SHANK2: variants seen among roughly 807,000 people sequenced by gnomAD.
The protein encoded by SHANK2 is SH3 and multiple ankyrin repeat domains protein 2.
Under a neutral mutation model 133.7 loss-of-function variants are expected in SHANK2, and 43 were observed. The observed-to-expected ratio is 0.32, with a 90% CI of 0.25 to 0.41. The LOEUF is 0.41. SHANK2 is among the 10% of genes least tolerant of loss of function. The pLI is 1.00. For missense variants in SHANK2, 1,994 were observed against 2,235.8 expected (o/e 0.89, Z 2.18); for synonymous variants, 1,017 against 952.8 (o/e 1.07, Z -1.24).
intron 17 of SHANK2, among the ~76,000 whole-genome samples, chr11:70,618,717 C>G (rs1193120962): frequency 6.6e-6 from 1 of 152,242 alleles, no homozygotes; most frequent in Non-Finnish European, 1.5e-5. Context: ...ATGCGGAAAC[C>G]CTGGCCGCCG....
At chr11:70,677,697 A>G (rs1333945100) in intron 15 of SHANK2, among the ~76,000 whole-genome samples, 1 of 152,114 alleles carries the variant, frequency 6.6e-6, no homozygotes, top group Non-Finnish European at 1.5e-5. Context: ...GGTCCAACAC[A>G]GCACGTCCCA....
chr11:70,682,710 A>G (rs538275877), intron 15 of SHANK2, among the ~76,000 whole-genome samples: 12 of 152,324 alleles, frequency 7.9e-5, no homozygotes, highest in African/African-American at 2.9e-4. Context: ...CCAAGGCCAC[A>G]GAGAAGGAGG....
At chr11:70,622,307 C>T (rs1012679157) in intron 17 of SHANK2, among the ~76,000 whole-genome samples, 1 of 152,152 alleles carries the variant, frequency 6.6e-6, no homozygotes, top group African/African-American at 2.4e-5. Flanking sequence ...CAGGACTCAA[C>T]TCATGTCAAC....
chr11:70,826,085 G>A (rs1948633665), intron 11 of SHANK2, among the ~76,000 whole-genome samples: 1 of 152,248 alleles, frequency 6.6e-6, no homozygotes, highest in African/African-American at 2.4e-5. Flanking sequence ...AGCCAGCCAT[G>A]TGCCCCGACC....
At chr11:70,721,313 T>C (rs1345639436) in intron 14 of SHANK2, among the ~76,000 whole-genome samples, 1 of 152,228 alleles carries the variant, frequency 6.6e-6, no homozygotes, top group Non-Finnish European at 1.5e-5. Context: ...CTCCGCAGTG[T>C]CTCACATGGG....
At chr11:70,698,409 A>G in intron 15 of SHANK2, 1 of 524,124 alleles carries the variant, frequency 1.9e-6, no homozygotes, top group South Asian at 2.2e-5. Flanking sequence ...GTCATCCTTG[A>G]CATTTGCATG....
Position 70,485,632 on chromosome 11 carries a change from G to A in SHANK2, c.4661C>T (p.Pro1554Leu). The change falls in exon 25 of 26, where the codon CCC (proline) becomes CTC (leucine). Residue 1554 changes from proline (P) to leucine (L), a missense_variant. Physicochemically the swap from Pro to Leu is moderately conservative, Grantham distance 98. This residue lies in a region of SHANK2 where 797 missense variants were observed against 907.4 expected (regional missense o/e 0.88). Transcript: ENST00000601538. The surrounding 1 kb of genome is among the most constrained non-coding windows in gnomAD (Gnocchi z 5.8). ...PPVPPKPKMK[P>L]IIHKSNALYQ... ...AAGTGCATTGCTTTTGTGAATGATG[G>A]GCTTCATTTTTGGCTTAGGAGGTAC... The A allele has an allele frequency of 6.2e-7, 1 of 1,614,038 alleles. No homozygotes were observed. Among genetic ancestry groups the A allele is most frequent in the Non-Finnish European group, 8.5e-7 (1 of 1,180,026 alleles).
chr11:71,167,641 C>A (rs368910196), intron 2 of SHANK2, among the ~76,000 whole-genome samples: 1 of 147,176 alleles, frequency 6.8e-6, no homozygotes, highest in Non-Finnish European at 1.5e-5. Context: ...CCTCACTTCC[C>A]GGACAGGACA....
chr11:70,632,416 C>G (rs554122656), intron 17 of SHANK2, among the ~76,000 whole-genome samples: 1 of 152,124 alleles, frequency 6.6e-6, no homozygotes, highest in Non-Finnish European at 1.5e-5. Context: ...GCTATCCACG[C>G]TCCCTGCTCC....
Position 70,479,527 on chromosome 11 carries a change from C to T in SHANK2, c.4979+5787G>A, listed in dbSNP as rs2058705495. Among the ~76,000 whole-genome samples the T allele has an allele frequency of 6.6e-6, 1 of 152,206 alleles. No individual in the cohort carries two copies. The highest frequency in any genetic ancestry group is 6.5e-5 in the Admixed American group (1 of 15,286). ...CCTGGAGTTTCACAGGACAAATCTC[C>T]CTGAAGCCCATCCATCCCATGGGGA... is the stretch of plus-strand genomic sequence containing the variant. On this transcript the variant is annotated intron_variant, in intron 25 of 25. Coordinates refer to ENST00000601538, the MANE Select transcript of SHANK2 (RefSeq NM_012309.5). The surrounding 1 kb of genome is among the most constrained non-coding windows in gnomAD (Gnocchi z 4.4).
intron 17 of SHANK2, among the ~76,000 whole-genome samples, chr11:70,619,806 G>T (rs1478735645): frequency 6.6e-6 from 1 of 152,174 alleles, no homozygotes; most frequent in Non-Finnish European, 1.5e-5. Flanking sequence ...ACAGGGAGGA[G>T]GCCTCCATAA....
rs1201433768 is a variant in SHANK2, at chr11:71,168,153, T to C, written c.-12-20815A>G. Among the ~76,000 whole-genome samples the C allele has an allele frequency of 4.6e-4, 57 of 125,056 alleles. 4 individuals carry two copies. The highest frequency in any genetic ancestry group is 6.2e-4 in the Non-Finnish European group (37 of 60,126). The allele number at this position is 125,056 out of a possible 152,430, so 82.0% of individuals were successfully genotyped here. On this transcript the variant is annotated intron_variant, in intron 2 of 25. Transcript: ENST00000601538. ...GGGTCTCCTCACTTCTCAGACGGGG[T>C]GGCCGGGCAGAGACGCTCCTCACAT... is the stretch of plus-strand genomic sequence containing the variant.
At chr11:71,056,126 T>C (rs2135917043) in intron 10 of SHANK2, among the ~76,000 whole-genome samples, 1 of 152,266 alleles carries the variant, frequency 6.6e-6, no homozygotes, top group African/African-American at 2.4e-5. Context: ...TGTGTGATCC[T>C]CAGGAAGCTT....
intron 2 of SHANK2, among the ~76,000 whole-genome samples, chr11:71,179,813 A>G (rs1275549904): frequency 5.3e-5 from 8 of 152,250 alleles, no homozygotes; most frequent in Non-Finnish European, 1.0e-4. Context: ...TGAAATGTCA[A>G]AACAACTCTA....
chr11:71,180,223 C>G (rs1046739686), intron 2 of SHANK2, among the ~76,000 whole-genome samples: 2 of 152,204 alleles, frequency 1.3e-5, no homozygotes, highest in Admixed American at 6.5e-5. Flanking sequence ...ACATCTAACT[C>G]CAGATGTGCC....
intron 14 of SHANK2, among the ~76,000 whole-genome samples, chr11:70,740,990 G>A (rs1038936667): frequency 6.6e-6 from 1 of 152,168 alleles, no homozygotes; most frequent in African/African-American, 2.4e-5. Flanking sequence ...GAGGGGATGA[G>A]GTTATTTGTG....
chr11:70,643,731 G>A (rs1335207720), intron 17 of SHANK2, among the ~76,000 whole-genome samples: 1 of 152,180 alleles, frequency 6.6e-6, no homozygotes, highest in African/African-American at 2.4e-5. Flanking sequence ...ATTTGAATGA[G>A]GGTTGAGCTC....
At chr11:71,140,054 G>A (rs1555105484) in intron 3 of SHANK2, among the ~76,000 whole-genome samples, 2 of 152,180 alleles carry the variant, frequency 1.3e-5, no homozygotes, top group African/African-American at 2.4e-5. Context: ...TGGCTCCTCC[G>A]GGCAGGGTTC....
intron 14 of SHANK2, among the ~76,000 whole-genome samples, chr11:70,757,708 G>A (rs147558244): frequency 2.6e-5 from 4 of 152,290 alleles, no homozygotes; most frequent in Admixed American, 1.3e-4. Flanking sequence ...TGCAGACTCC[G>A]CCTAAGCTGT....
Sources: allele counts gnomAD v4.1 joint callset (sites outside exome capture counted in the v4.1 genomes callset), GRCh38; gene constraint gnomAD v4.1.1; regional missense constraint gnomAD v4.1.1; non-coding constraint Gnocchi (gnomAD v3.1); transcripts MANE v1.5; gene names NCBI Gene and HGNC (gene_info 2026-07-23, HGNC 2026-07-21).